The following TSC22D4 variants were observed in gnomAD, a reference collection of about 807,000 sequenced individuals.
The protein encoded by TSC22D4 is TSC22 domain family protein 4.
A neutral mutation model predicts 24.9 loss-of-function variants in TSC22D4; 5 were observed. That is an observed-to-expected ratio of 0.20 (90% CI 0.10 to 0.42). The LOEUF (loss-of-function observed/expected upper bound fraction) is 0.42, where lower values mean the gene tolerates loss of function less well. Ranked by LOEUF, TSC22D4 falls within the 10% of genes least tolerant of loss-of-function variation. The pLI is 1.00. For synonymous variants in TSC22D4, 245 were observed against 243.2 expected, an observed-to-expected ratio of 1.01 and a Z score of -0.07; for missense variants, 469 against 547.9, an observed-to-expected ratio of 0.86 and a Z score of 1.44.
intron 3 of TSC22D4, among the ~76,000 whole-genome samples, chr7:100,468,382 C>G (rs1363803709): frequency 6.6e-6 from 1 of 152,118 alleles, no homozygotes; most frequent in Non-Finnish European, 1.5e-5. Flanking sequence ...GGAGGCCCCT[C>G]GCCACCTCCG....
At chr7:100,476,327 C>G (rs1799495926) in intron 2 of TSC22D4, among the ~76,000 whole-genome samples, 1 of 151,946 alleles carries the variant, frequency 6.6e-6, no homozygotes, top group Admixed American at 6.6e-5. Flanking sequence ...CCTGACAGGA[C>G]CCAGACATCC....
chr7:100,466,705 G>A lies in TSC22D4; in HGVS notation c.*254C>T. 3 of 530,036 alleles carry A rather than the reference G, an allele frequency of 5.7e-6. No individual in the cohort carries two copies. In the South Asian group the frequency reaches 8.2e-5, roughly 14 times the overall value. The allele number at this position is 530,036 out of a possible 1,614,324, so 32.8% of individuals were successfully genotyped here. On this transcript the variant is annotated 3_prime_UTR_variant, in exon 5 of 5. Coordinates refer to ENST00000300181, the MANE Select transcript of TSC22D4 (RefSeq NM_030935.5). ...CCCCCAAGCCGTCTACTGCTGGGGG[G>A]TCCCAGGAGGGAGGGTGGGGGTTGG...
At position 100,478,001 on chromosome 7, in the gene TSC22D4, G is replaced by A; in HGVS notation, c.38C>T (p.Thr13Ile). ...GCCCTCATAGTCCGTGGTGACGCTG[G>A]TGATTTGGAAACTACTCTTCTTCTT... is the stretch of plus-strand genomic sequence containing the variant. ...GGKKKSSFQI[T>I]SVTTDYEGPG... The change falls in exon 2 of 5, where the codon ACC becomes ATC. Residue 13 changes from threonine to isoleucine, a missense_variant. By Grantham distance (89) the Thr-to-Ile change is moderately conservative (BLOSUM62 -1). Transcript: ENST00000300181. The A allele has an allele frequency of 6.3e-7, 1 of 1,590,822 alleles. No individual in the cohort carries two copies. Among genetic ancestry groups the A allele is most frequent in the Non-Finnish European group, 8.5e-7 (1 of 1,171,040 alleles).
At position 100,467,015 on chromosome 7, in the gene TSC22D4, G is replaced by A. The variant is rs1236372579; in HGVS notation, c.1132C>T (p.Pro378Ser). The A allele has an allele frequency of 3.1e-6, 5 of 1,609,616 alleles. No individual in the cohort carries two copies. Among genetic ancestry groups the A allele is most frequent in the Non-Finnish European group, 4.2e-6 (5 of 1,178,212 alleles). The change falls in exon 5 of 5, where the codon CCC (proline) becomes TCC (serine). Residue 378 changes from proline (P) to serine (S), a missense_variant. Pro to Ser is a moderately conservative substitution (Grantham distance 74). Coordinates refer to ENST00000300181, the MANE Select transcript of TSC22D4 (RefSeq NM_030935.5). Reference protein sequence around the residue: ...LASPEQLAQLPSSGVPRLGPP... With the variant: ...LASPEQLAQLSSSGVPRLGPP... ...CCAAGCCGTGGGACCCCCGAGGAGG[G>A]CAGCTGAGCCAGCTGCTCCGGGCTG... is the stretch of plus-strand genomic sequence containing the variant.
In TSC22D4 at chr7:100,474,760, G is replaced by A. The variant is rs910108843; in HGVS notation, c.763-320C>T. On this transcript the variant is annotated intron_variant, in intron 2 of 4. Coordinates refer to ENST00000300181, the MANE Select transcript of TSC22D4 (RefSeq NM_030935.5). The surrounding 1 kb of genome is among the most constrained non-coding windows in gnomAD (Gnocchi z 4.3). ...AATGCCCCAGCTCCCACTGGGCCGG[G>A]ACCCCTAATCAGAGGCTACGCAGCG... Among the ~76,000 whole-genome samples, 1 of 152,126 alleles carries A rather than the reference G, an allele frequency of 6.6e-6. No homozygotes were observed. The highest frequency in any genetic ancestry group is 1.5e-5 in the Non-Finnish European group (1 of 68,020).
At position 100,478,188 on chromosome 7, in the gene TSC22D4, G is replaced by T; in HGVS notation, c.-150C>A. ...TCCGACATGGCAGGAGGGCCTGGCG[G>T]GAACCGGGGGTGCCTGCTGGGTGAG... On this transcript the variant is annotated 5_prime_UTR_variant, in exon 2 of 5. Coordinates refer to ENST00000300181, the MANE Select transcript of TSC22D4 (RefSeq NM_030935.5). The T allele has an allele frequency of 1.6e-6, 1 of 643,182 alleles. No homozygotes were observed. The highest frequency in any genetic ancestry group is 2.6e-6 in the Non-Finnish European group (1 of 381,502). 39.8% of individuals were successfully genotyped at this position (643,182 alleles called of 1,614,324 possible). A position where few individuals can be genotyped will look rare whatever the true frequency, so the allele number is the denominator to read the frequency against.
At chr7:100,471,261 G>A (rs1249214095) in intron 3 of TSC22D4, among the ~76,000 whole-genome samples, 1 of 152,120 alleles carries the variant, frequency 6.6e-6, no homozygotes. Context: ...TCCCTGCCCT[G>A]CTTGGGAGAG....
chr7:100,467,330 G>A lies in TSC22D4; in HGVS notation c.979-162C>T, dbSNP rs1799301297. On this transcript the variant is annotated intron_variant, in intron 4 of 4. Coordinates refer to ENST00000300181, the MANE Select transcript of TSC22D4 (RefSeq NM_030935.5). Reference sequence around the variant, plus strand: ...GGACGAGGGACAGAGGCAGAGTCAGGGCTCAAAGACAGAGATGGGGACCAG... The same window carrying A: ...GGACGAGGGACAGAGGCAGAGTCAGAGCTCAAAGACAGAGATGGGGACCAG... 4 of 890,736 alleles carry A rather than the reference G, an allele frequency of 4.5e-6. No homozygotes were observed. The South Asian group carries it at 5.9e-5, about 13-fold the overall frequency. 55.2% of individuals were successfully genotyped at this position (890,736 alleles called of 1,614,324 possible).
Position 100,477,988 on chromosome 7 carries a change from C to A in TSC22D4, c.51G>T (p.Thr17=). The change falls in exon 2 of 5, where the codon ACG becomes ACT. Residue 17 remains threonine, a synonymous_variant. Coordinates refer to ENST00000300181, the MANE Select transcript of TSC22D4 (RefSeq NM_030935.5). This position sits in a 1 kb window ranked among gnomAD's most constrained non-coding sequence, Gnocchi z 7.8. ...KSSFQITSVT[T]DYEGPGSPGA... is the part of the protein sequence containing the mutation. The stretch of plus-strand genomic sequence containing the variant: ...CTGGGCTCCCAGGGCCCTCATAGTC[C>A]GTGGTGACGCTGGTGATTTGGAAAC... 2 of 1,586,248 alleles carry A rather than the reference C, an allele frequency of 1.3e-6. No homozygotes were observed. The highest frequency in any genetic ancestry group is 1.8e-5 in the Admixed American group (1 of 54,788).
intron 3 of TSC22D4, chr7:100,467,883 C>T (rs1286909054): frequency 3.2e-6 from 2 of 626,148 alleles, no homozygotes; most frequent in African/African-American, 1.8e-5. Flanking sequence ...GAGCCATCCC[C>T]ACCACTCGGG....
intron 1 of TSC22D4, 39 bp from the exon 2 acceptor site, chr7:100,478,346 AGAGAGTGTGTGTGT>A (rs1799554212): frequency 2.2e-5 from 6 of 269,928 alleles, no homozygotes; most frequent in African/African-American, 6.8e-5. Flanking sequence ...AGAGAGAGAG[AGAGAGTGTGTGTGT>A]GTGTGTGTGT....
In TSC22D4 at chr7:100,477,191, A is replaced by T. The variant is rs746503644; in HGVS notation, c.762+86T>A. The T allele has an allele frequency of 3.2e-6, 3 of 933,208 alleles. No individual in the cohort carries two copies. The highest frequency in any genetic ancestry group is 4.3e-6 in the Non-Finnish European group (3 of 699,506). The allele number at this position is 933,208 out of a possible 1,614,324, so 57.8% of individuals were successfully genotyped here. On this transcript the variant is annotated intron_variant, in intron 2 of 4. Transcript: ENST00000300181. The surrounding 1 kb of genome is among the most constrained non-coding windows in gnomAD (Gnocchi z 7.8). ...TCTTATAAAGTGATGGAGAAGGAGG[A>T]GGAGAGGGGGGGGAGGAGGAGGAAG...
chr7:100,478,271 T>G lies in TSC22D4; in HGVS notation c.-233A>C, dbSNP rs1799549134. The G allele has an allele frequency of 2.0e-6, 1 of 504,072 alleles. No homozygotes were observed. Among genetic ancestry groups the G allele is most frequent in the East Asian group, 3.5e-5 (1 of 28,498 alleles). The allele number at this position is 504,072 out of a possible 1,614,324, so 31.2% of individuals were successfully genotyped here. ...GGGAGCAGGGGCAGGTTTTTCCTGC[T>G]GCTGTTGCTGCTGAACTCCAGAGCT... On this transcript the variant is annotated 5_prime_UTR_variant, in exon 2 of 5. Coordinates refer to ENST00000300181, the MANE Select transcript of TSC22D4 (RefSeq NM_030935.5).
Position 100,477,428 on chromosome 7 carries a change from G to A in TSC22D4, c.611C>T (p.Ala204Val), listed in dbSNP as rs375431946. ...RPPEPETGES[A>V]GTSRAATPLP... ...GGGCGTGGCAGCCCGGGATGTGCCCGCACTCTCACCGGTCTCAGGCTCTGG... is the reference window on the plus strand; with the variant it reads ...GGGCGTGGCAGCCCGGGATGTGCCCACACTCTCACCGGTCTCAGGCTCTGG... Residue 204 changes from alanine (A) to valine (V), a missense_variant, in exon 2 of 5, where the codon GCG becomes GTG. By Grantham distance (64) the Ala-to-Val change is moderately conservative. Coordinates refer to ENST00000300181, the MANE Select transcript of TSC22D4 (RefSeq NM_030935.5). The surrounding 1 kb of genome is among the most constrained non-coding windows in gnomAD (Gnocchi z 7.8). 3.0e-5 allele frequency: 48 copies of A among 1,585,160 alleles called. No individual in the cohort carries two copies. The South Asian group carries it at 4.2e-4, about 14-fold the overall frequency.
intron 3 of TSC22D4, among the ~76,000 whole-genome samples, chr7:100,468,472 C>G (rs191573149): frequency 3.3e-5 from 5 of 152,298 alleles, no homozygotes; most frequent in Middle Eastern, 3.4e-3. Flanking sequence ...TTCTGACGTG[C>G]TCGTGGTCTT....
intron 3 of TSC22D4, among the ~76,000 whole-genome samples, chr7:100,470,439 G>C (rs987786221): frequency 1.8e-4 from 27 of 152,224 alleles, no homozygotes; most frequent in African/African-American, 5.8e-4. Context: ...TTACAGGCAT[G>C]AGCCACCATG....
At chr7:100,471,253 C>T (rs927324347) in intron 3 of TSC22D4, among the ~76,000 whole-genome samples, 2 of 152,052 alleles carry the variant, frequency 1.3e-5, no homozygotes, top group African/African-American at 4.8e-5. Context: ...GGGCTGGCTC[C>T]CTGCCCTGCT....
chr7:100,477,766 C>A lies in TSC22D4; in HGVS notation c.273G>T (p.Thr91=). The change falls in exon 2 of 5, where the codon ACG becomes ACT. Residue 91 remains threonine (T), a synonymous_variant. Transcript: ENST00000300181. The surrounding 1 kb of genome is among the most constrained non-coding windows in gnomAD (Gnocchi z 7.8). The stretch of plus-strand genomic sequence containing the variant: ...GGTCTCGCTCATAAACATCCACACA[C>A]GTCCAGCGACCGCGGCGATAAGGCT... ...LGEPYRRGRW[T]CVDVYERDLE... The A allele has an allele frequency of 1.9e-6, 3 of 1,605,486 alleles. No homozygotes were observed. The highest frequency in any genetic ancestry group is 2.5e-6 in the Non-Finnish European group (3 of 1,179,820).
At position 100,466,986 on chromosome 7, in the gene TSC22D4, G is replaced by A. The variant is rs201896123; in HGVS notation, c.1161C>T (p.Pro387=). The part of the protein sequence containing the change: ...LPSSGVPRLG[P]PAPNGPSV ...AGACGGAGGGCCCATTGGGCGCAGG[G>A]GGCCCAAGCCGTGGGACCCCCGAGG... The change falls in exon 5 of 5, where the codon CCC becomes CCT. Residue 387 remains proline (P), a synonymous_variant. Transcript: ENST00000300181. The A allele has an allele frequency of 6.3e-6, 10 of 1,589,998 alleles. No homozygotes were observed. Among genetic ancestry groups the A allele is most frequent in the South Asian group, 1.1e-5 (1 of 88,918 alleles).
Sources: allele counts gnomAD v4.1 joint callset (sites outside exome capture counted in the v4.1 genomes callset), GRCh38; gene constraint gnomAD v4.1.1; non-coding constraint Gnocchi (gnomAD v3.1); transcripts MANE v1.5; gene names NCBI Gene and HGNC (gene_info 2026-07-23, HGNC 2026-07-21).